PLOD1: variants seen among roughly 807,000 people sequenced by gnomAD.
PLOD1 encodes the protein lysine hydroxylase.
PLOD1 carries 70 observed loss-of-function variants against 94.7 expected under a neutral mutation model. The observed-to-expected ratio is 0.74, with a 90% CI of 0.61 to 0.90. PLOD1 has a LOEUF of 0.90. Ranked by LOEUF, PLOD1 falls within the 40% of genes least tolerant of loss-of-function variation. The pLI is 0.00. For synonymous variants in PLOD1, 417 were observed against 400.2 expected (o/e 1.04, Z -0.50); for missense variants, 905 against 972.7 (o/e 0.93, Z 0.93).
chr1:11,957,991 C>G lies in PLOD1; in HGVS notation c.843+48C>G. On this transcript the variant is annotated intron_variant, in intron 8 of 18. Coordinates refer to ENST00000196061, the MANE Select transcript of PLOD1 (RefSeq NM_000302.4). The surrounding 1 kb of genome is among the most constrained non-coding windows in gnomAD (Gnocchi z 4.1). Reference sequence around the variant, plus strand: ...GCCTGAGGGACACGGGGGGCTCAGTCCCCTGAGATGGCGAGATGGGTGATT... The same window carrying G: ...GCCTGAGGGACACGGGGGGCTCAGTGCCCTGAGATGGCGAGATGGGTGATT... 2.5e-6 allele frequency: 3 copies of G among 1,207,096 alleles called. No individual in the cohort carries two copies. The highest frequency in any genetic ancestry group is 3.7e-6 in the Non-Finnish European group (3 of 808,376). The allele number at this position is 1,207,096 out of a possible 1,614,324, so 74.8% of individuals were successfully genotyped here.
intron 5 of PLOD1, chr1:11,954,556 C>T (rs185135638): frequency 6.6e-5 from 47 of 710,630 alleles, no homozygotes; most frequent in African/African-American, 5.9e-4. Flanking sequence ...TTACTCTTAA[C>T]GGCCGTCATT....
chr1:11,955,797 T>A (rs2100749531), intron 6 of PLOD1, among the ~76,000 whole-genome samples: 1 of 152,116 alleles, frequency 6.6e-6, no homozygotes, highest in East Asian at 1.9e-4. Flanking sequence ...CTAATTTTTG[T>A]ATTTTTTTAG....
chr1:11,971,809 C>T (rs3766746), intron 17 of PLOD1: 77,474 of 152,144 alleles, frequency 0.51, 20,363 homozygotes, highest in East Asian at 0.64. Flanking sequence ...CTGTGCCCCA[C>T]GCCTGGGCCC....
rs1645760000 is a variant in PLOD1 at position 11,959,098 on chromosome 1, A to C, written c.975+451A>C. On this transcript the variant is annotated intron_variant, in intron 9 of 18. Coordinates refer to ENST00000196061, the MANE Select transcript of PLOD1 (RefSeq NM_000302.4). ...CAGATGCCTGTAATCCCAGCTACTC[A>C]GGAGGCTGAGGCAGGAGAATCGCTT... is the stretch of plus-strand genomic sequence containing the variant. Among the ~76,000 whole-genome samples, 6 of 152,064 alleles carry C rather than the reference A, an allele frequency of 3.9e-5. No homozygotes were observed. The South Asian group carries it at 1.2e-3, about 32-fold the overall frequency.
rs1394486748 is a variant in PLOD1 at position 11,958,544 on chromosome 1, G to T, written c.872G>T (p.Gly291Val). Residue 291 changes from glycine (G) to valine (V), a missense_variant, in exon 9 of 19, where the codon GGC becomes GTC. Transcript: ENST00000196061. The surrounding 1 kb of genome is among the most constrained non-coding windows in gnomAD (Gnocchi z 4.3). Reference sequence around the variant, plus strand: ...GAAGCTCTGCCCACGGTCCTGGTCGGCGTGTTCATCGAACAGCCCACGCCG... The same window carrying T: ...GAAGCTCTGCCCACGGTCCTGGTCGTCGTGTTCATCGAACAGCCCACGCCG... ...GDEALPTVLV[G>V]VFIEQPTPFV... 3.1e-6 allele frequency: 5 copies of T among 1,613,716 alleles called. No homozygotes were observed. The highest frequency in any genetic ancestry group is 1.3e-5 in the African/African-American group (1 of 74,884).
intron 4 of PLOD1, 29 bp downstream of exon 4, chr1:11,950,549 C>A: frequency 1.2e-6 from 2 of 1,609,082 alleles, no homozygotes; most frequent in Non-Finnish European, 1.7e-6. Context: ...GGGCGCTTGG[C>A]CCAGCAGAGG....
Position 11,967,054 on chromosome 1 carries a change from T to A in PLOD1, c.1718T>A (p.Met573Lys). Residue 573 changes from methionine (M) to lysine (K), a missense_variant, in exon 16 of 19, where the codon ATG (methionine) becomes AAG (lysine). By Grantham distance (95) the Met-to-Lys change is moderately conservative (BLOSUM62 -1). Transcript: ENST00000196061. ...EVACDELVEE[M>K]EHFGQWSLGN... ...GCCTGTGATGAGCTGGTGGAGGAGA[T>A]GGAGCACTTTGGCCAGTGGTCTCTG... The A allele has an allele frequency of 6.2e-7, 1 of 1,613,812 alleles. No homozygotes were observed. The highest frequency in any genetic ancestry group is 8.5e-7 in the Non-Finnish European group (1 of 1,179,718).
chr1:11,950,598 A>G, intron 4 of PLOD1, 78 bp downstream of exon 4: 1 of 1,345,056 alleles, frequency 7.4e-7, no homozygotes, highest in Non-Finnish European at 1.1e-6. Flanking sequence ...CCCTTGTTTG[A>G]CGTGCAATCT....
At chr1:11,951,359 A>G (rs914557463) in intron 4 of PLOD1, among the ~76,000 whole-genome samples, 12 of 151,366 alleles carry the variant, frequency 7.9e-5, no homozygotes, top group African/African-American at 2.7e-4. Context: ...TGAGGCCAGG[A>G]GTTCAAGACC....
At chr1:11,967,659 T>TAAAGAAATATATATAGA (rs1491520648) in intron 16 of PLOD1, among the ~76,000 whole-genome samples, 7 of 71,470 alleles carry the variant, frequency 9.8e-5, no homozygotes, top group African/African-American at 2.8e-4. Context: ...TATATATATA[T>TAAAGAAATATATATAGA]TTTTTTTAAA....
Position 11,943,411 on chromosome 1 carries a change from C to T in PLOD1, c.77-4565C>T, listed in dbSNP as rs114684676. 5.4e-3 allele frequency among the ~76,000 whole-genome samples: 827 copies of T among 152,120 alleles called. 7 individuals carry two copies. Among genetic ancestry groups the T allele is most frequent in the African/African-American group, 0.019 (785 of 41,478 alleles). ...TCCCGGGTTCAAGCGATTCTCTTGC[C>T]TGAGCCTCACGAGTAGTTGGGATTA... On this transcript the variant is annotated intron_variant, in intron 1 of 18. Transcript: ENST00000196061.
chr1:11,937,545 C>T (rs77581808), intron 1 of PLOD1, among the ~76,000 whole-genome samples: 7 of 152,338 alleles, frequency 4.6e-5, no homozygotes, highest in African/African-American at 1.4e-4. Context: ...TTTGATCCCC[C>T]TGCTTCTGCT....
rs1645749265 is a variant in PLOD1, at chr1:11,957,822, A to G, written c.742-20A>G. The G allele has an allele frequency of 3.2e-6, 5 of 1,586,944 alleles. No individual in the cohort carries two copies. The South Asian group carries it at 3.3e-5, about 11-fold the overall frequency. On this transcript the variant is annotated intron_variant, in intron 7 of 18. Transcript: ENST00000196061. The surrounding 1 kb of genome is among the most constrained non-coding windows in gnomAD (Gnocchi z 4.1). Reference sequence around the variant, plus strand: ...GGTGGGGCTGGCTGGCTTCTCTGTGACCCCACGTCTCCCCGACAGCTGCAG... The same window carrying G: ...GGTGGGGCTGGCTGGCTTCTCTGTGGCCCCACGTCTCCCCGACAGCTGCAG...
chr1:11,955,601 G>A (rs771347107), intron 6 of PLOD1, among the ~76,000 whole-genome samples: 4 of 152,056 alleles, frequency 2.6e-5, no homozygotes, highest in African/African-American at 4.8e-5. Context: ...GATCCACGCA[G>A]GTCAGGAGCT....
intron 1 of PLOD1, among the ~76,000 whole-genome samples, chr1:11,945,960 C>T (rs999176320): frequency 6.6e-6 from 1 of 152,166 alleles, no homozygotes; most frequent in Non-Finnish European, 1.5e-5. Flanking sequence ...CTGCCTGCCT[C>T]AGCCTCCCAA....
At chr1:11,936,780 C>T (rs1645581967) in intron 1 of PLOD1, among the ~76,000 whole-genome samples, 1 of 151,954 alleles carries the variant, frequency 6.6e-6, no homozygotes, top group Non-Finnish European at 1.5e-5. Flanking sequence ...GCCTCGGCCT[C>T]CCAAAGTGCT....
At position 11,974,924 on chromosome 1, in the gene PLOD1, CA is replaced by C; in HGVS notation, c.*117del. ...TCCAGCCTCCTGGCTGTTGACTTCC[CA>C]TTGCTCTTGGAGCCACCAATCAAAG... On this transcript the variant is annotated 3_prime_UTR_variant, in exon 19 of 19. Coordinates refer to ENST00000196061, the MANE Select transcript of PLOD1 (RefSeq NM_000302.4). 1.0e-6 allele frequency: 1 copy of C among 980,818 alleles called. No individual in the cohort carries two copies. The highest frequency in any genetic ancestry group is 1.3e-5 in the South Asian group (1 of 77,944). 60.8% of individuals were successfully genotyped at this position (980,818 alleles called of 1,614,324 possible).
chr1:11,950,757 G>A (rs865849285), intron 4 of PLOD1, among the ~76,000 whole-genome samples: 2 of 152,180 alleles, frequency 1.3e-5, no homozygotes, highest in East Asian at 1.9e-4. Flanking sequence ...CTCCTCCCTT[G>A]CCCTCCTCCA....
intron 1 of PLOD1, among the ~76,000 whole-genome samples, chr1:11,943,960 C>T (rs1029398346): frequency 1.3e-5 from 2 of 152,022 alleles, no homozygotes; most frequent in African/African-American, 2.4e-5. Flanking sequence ...TGGCTGGGCA[C>T]GGTGGCTCAT....
Sources: allele counts gnomAD v4.1 joint callset (sites outside exome capture counted in the v4.1 genomes callset), GRCh38; gene constraint gnomAD v4.1.1; non-coding constraint Gnocchi (gnomAD v3.1); transcripts MANE v1.5; gene names NCBI Gene and HGNC (gene_info 2026-07-23, HGNC 2026-07-21).